The following LRP1 variants were observed in gnomAD, a reference collection of about 807,000 sequenced individuals.
The protein encoded by LRP1 is LDL receptor related protein 1, also known as prolow-density lipoprotein receptor-related protein 1.
Under a neutral mutation model 541.5 loss-of-function variants are expected in LRP1, and 51 were observed. The observed-to-expected ratio is 0.09, with a 90% confidence interval of 0.08 to 0.12. The LOEUF (loss-of-function observed/expected upper bound fraction) is 0.12. Among genes scored for constraint, LRP1 ranks in the 10% least tolerant of loss-of-function variants. The pLI, the probability that LRP1 is intolerant of heterozygous loss-of-function variation, is 1.00. For synonymous variants in LRP1, 2,219 were observed against 2,470.8 expected, an observed-to-expected ratio of 0.90 and a Z score of 3.02; for missense variants, 3,878 against 6,376.2, an observed-to-expected ratio of 0.61 and a Z score of 13.34.
In LRP1 at chr12:57,154,582, C is replaced by T. The variant is rs767368732; in HGVS notation, c.1108C>T (p.His370Tyr). 6.2e-7 allele frequency: 1 copy of T among 1,613,794 alleles called. No individual in the cohort carries two copies. The highest frequency in any genetic ancestry group is 8.5e-7 in the Non-Finnish European group (1 of 1,179,836). The change falls in exon 8 of 89, where the codon CAT (histidine) becomes TAT (tyrosine). Residue 370 changes from histidine (H) to tyrosine (Y), a missense_variant. Physicochemically the swap from His to Tyr is moderately conservative, Grantham distance 83 (BLOSUM62 2). This residue lies in a region of LRP1 where 496 missense variants were observed against 861.0 expected (regional missense o/e 0.58). Coordinates refer to ENST00000243077, the MANE Select transcript of LRP1 (RefSeq NM_002332.3). The surrounding 1 kb of genome is among the most constrained non-coding windows in gnomAD (Gnocchi z 4.6). ...KLVDSKIVFPHGITLDLVSRL... is the reference protein window; with the variant it reads ...KLVDSKIVFPYGITLDLVSRL... ...CGTCGACAGCAAGATTGTGTTTCCT[C>T]ATGGCATCACGCTGGACCTGGTCAG...
At chr12:57,160,393 C>T (rs1288286265) in intron 12 of LRP1, among the ~76,000 whole-genome samples, 2 of 152,150 alleles carry the variant, frequency 1.3e-5, no homozygotes, top group African/African-American at 4.8e-5. Flanking sequence ...AGCACCCCGG[C>T]TCCTCCTGCC....
chr12:57,205,242 C>T lies in LRP1; in HGVS notation c.11328C>T (p.Cys3776=). ...DCGDGSDEED[C]SIDPKLTSCA... is the part of the protein sequence containing the mutation. ...GGGACGGCTCTGACGAGGAGGACTG[C>T]AGCATCGGTGAGGCCCGGCAGCGGA... is the stretch of plus-strand genomic sequence containing the variant. Residue 3776 remains cysteine (C), a synonymous_variant, in exon 73 of 89, where the codon TGC becomes TGT. Transcript: ENST00000243077. The surrounding 1 kb of genome is among the most constrained non-coding windows in gnomAD (Gnocchi z 4.6). 6.2e-7 allele frequency: 1 copy of T among 1,610,938 alleles called. No individual in the cohort carries two copies. Among genetic ancestry groups the T allele is most frequent in the Non-Finnish European group, 8.5e-7 (1 of 1,177,898 alleles).
chr12:57,169,904 C>T (rs2035912934), intron 20 of LRP1, among the ~76,000 whole-genome samples: 1 of 152,232 alleles, frequency 6.6e-6, no homozygotes, highest in Non-Finnish European at 1.5e-5. Flanking sequence ...GGCTTCCTAG[C>T]TCTGGAAGAT....
chr12:57,184,254 G>A lies in LRP1; in HGVS notation c.6059+40G>A, dbSNP rs377223131. ...AGACTGGCCTTGTCATTCTGCCCAT[G>A]GCCCATGCTGATGAGGCCCTGTCTC... On this transcript the variant is annotated intron_variant, in intron 37 of 88. Transcript: ENST00000243077. The surrounding 1 kb of genome is among the most constrained non-coding windows in gnomAD (Gnocchi z 7.8). 5.0e-6 allele frequency: 8 copies of A among 1,613,544 alleles called. No individual in the cohort carries two copies. In the African/African-American group the frequency reaches 8.0e-5, roughly 16 times the overall value.
chr12:57,208,521 G>A (rs2136753683), intron 77 of LRP1, 190 bp from the exon 78 acceptor site: 5 of 591,518 alleles, frequency 8.5e-6, no homozygotes, highest in South Asian at 4.2e-5. Flanking sequence ...TGAGCACACT[G>A]TGGTTTTAGA....
At chr12:57,172,389 T>G (rs2035963567) in intron 20 of LRP1, among the ~76,000 whole-genome samples, 1 of 152,152 alleles carries the variant, frequency 6.6e-6, no homozygotes, top group Admixed American at 6.5e-5. Context: ...CAGGATGGTC[T>G]CGATCTCCCG....
chr12:57,197,342 C>T lies in LRP1; in HGVS notation c.9120C>T (p.Arg3040=), dbSNP rs151021372. 7 of 1,614,072 alleles carry T rather than the reference C, an allele frequency of 4.3e-6. No homozygotes were observed. The Admixed American group carries it at 1.2e-4, about 27-fold the overall frequency. Residue 3040 remains arginine (R), a synonymous_variant, in exon 57 of 89, where the codon CGC becomes CGT. Transcript: ENST00000243077. This position sits in a 1 kb window ranked among gnomAD's most constrained non-coding sequence, Gnocchi z 4.5. ...FLIFANRYYL[R]KLNLDGSNYT... is the part of the protein sequence containing the mutation. ...TCTTCGCCAACCGGTACTACCTGCGCAAGCTCAACCTGGACGGGTCCAACT... is the reference window on the plus strand; with the variant it reads ...TCTTCGCCAACCGGTACTACCTGCGTAAGCTCAACCTGGACGGGTCCAACT...
In LRP1 at chr12:57,158,021, G is replaced by A. The variant is rs764504379; in HGVS notation, c.1562-381G>A. On this transcript the variant is annotated intron_variant, in intron 10 of 88. Transcript: ENST00000243077. The surrounding 1 kb of genome is among the most constrained non-coding windows in gnomAD (Gnocchi z 5.3). ...GTAGCCAGAAGACTTTCAGTGTAGTGGGCAAGAAGTGATGTGGTTTACACT... is the reference window on the plus strand; with the variant it reads ...GTAGCCAGAAGACTTTCAGTGTAGTAGGCAAGAAGTGATGTGGTTTACACT... 6.6e-6 allele frequency among the ~76,000 whole-genome samples: 1 copy of A among 152,192 alleles called. No individual in the cohort carries two copies. Among genetic ancestry groups the A allele is most frequent in the Non-Finnish European group, 1.5e-5 (1 of 68,020 alleles).
intron 50 of LRP1, 37 bp from the exon 51 acceptor site, chr12:57,194,948 C>A (rs867845744): frequency 6.4e-7 from 1 of 1,556,452 alleles, no homozygotes; most frequent in Middle Eastern, 1.7e-4. Context: ...GTGACCCCCA[C>A]CCTTCCCCAT....
In LRP1 at chr12:57,159,987, T is replaced by C; in HGVS notation, c.1961T>C (p.Val654Ala). Residue 654 changes from valine (V) to alanine (A), a missense_variant, in exon 12 of 89, where the codon GTG becomes GCG. By Grantham distance (64) the Val-to-Ala change is moderately conservative. Around this residue, in one of 13 missense-constraint regions of LRP1, gnomAD observed 496 missense variants for 861.0 expected, o/e 0.58. Transcript: ENST00000243077. ...EGKMTHPRAI[V>A]VDPLNGWMYW... ...AAAATGACACACCCCAGGGCTATTG[T>C]GGTGGATCCACTCAATGGGTGAGTC... 1.2e-6 allele frequency: 2 copies of C among 1,614,080 alleles called. No individual in the cohort carries two copies. Among genetic ancestry groups the C allele is most frequent in the Non-Finnish European group, 1.7e-6 (2 of 1,180,020 alleles).
chr12:57,169,486 G>A (rs768542326), intron 20 of LRP1, among the ~76,000 whole-genome samples, 179 bp downstream of exon 20: 2 of 152,178 alleles, frequency 1.3e-5, no homozygotes, highest in Non-Finnish European at 2.9e-5. Flanking sequence ...GGAGGTTGCC[G>A]AAAAATCATT....
chr12:57,179,734 C>CACT lies in LRP1; in HGVS notation c.4967-47_4967-45dup. On this transcript the variant is annotated intron_variant, in intron 29 of 88. Transcript: ENST00000243077. The surrounding 1 kb of genome is among the most constrained non-coding windows in gnomAD (Gnocchi z 6.8). ...AGGCACACTGGCTCCCCTCCTGACC[C>CACT]ACTGCCCTGCAGACACCCAACAACT... 1 of 1,573,860 alleles carries CACT rather than the reference C, an allele frequency of 6.4e-7. No individual in the cohort carries two copies. The highest frequency in any genetic ancestry group is 1.1e-5 in the South Asian group (1 of 88,406).
intron 5 of LRP1, 39 bp downstream of exon 5, chr12:57,145,139 C>T (rs767062770): frequency 2.2e-5 from 36 of 1,613,434 alleles, no homozygotes; most frequent in Non-Finnish European, 3.1e-5. Context: ...CTAACTAAGC[C>T]CCCTCAATGC....
intron 78 of LRP1, 69 bp downstream of exon 78, chr12:57,208,886 G>A: frequency 7.4e-7 from 1 of 1,356,478 alleles, no homozygotes; most frequent in Non-Finnish European, 1.0e-6. Context: ...AGCTGCTGCT[G>A]AAGTCACACA....
chr12:57,210,761 A>G lies in LRP1; in HGVS notation c.12798A>G (p.Lys4266=). ...CRCPTGFTGP[K]CTQQVCAGYC... is the part of the protein sequence containing the mutation. ...GCCCCACGGGCTTCACGGGCCCCAA[A>G]TGCACCCAGCAGGTGTGTGCGGGCT... is the stretch of plus-strand genomic sequence containing the variant. The change falls in exon 83 of 89, where the codon AAA becomes AAG. Residue 4266 remains lysine, a synonymous_variant. Transcript: ENST00000243077. 1 of 1,612,122 alleles carries G rather than the reference A, an allele frequency of 6.2e-7. No individual in the cohort carries two copies. The highest frequency in any genetic ancestry group is 8.5e-7 in the Non-Finnish European group (1 of 1,178,738).
intron 6 of LRP1, among the ~76,000 whole-genome samples, chr12:57,150,333 A>G (rs548322077): frequency 6.6e-6 from 1 of 151,868 alleles, no homozygotes; most frequent in African/African-American, 2.4e-5. Flanking sequence ...CTAGGACTAC[A>G]GGTGCCCGCC....
At chr12:57,182,822 A>G (rs2036192354) in intron 34 of LRP1, among the ~76,000 whole-genome samples, 1 of 152,220 alleles carries the variant, frequency 6.6e-6, no homozygotes, top group African/African-American at 2.4e-5. Flanking sequence ...GTCTCAAAAA[A>G]AACAAACAAA....
chr12:57,202,625 C>A, intron 68 of LRP1, 88 bp downstream of exon 68: 1 of 1,050,046 alleles, frequency 9.5e-7, no homozygotes, highest in Non-Finnish European at 1.4e-6. Flanking sequence ...CGCGCCAGAG[C>A]TGGTGGCCAC....
At chr12:57,193,510 A>G in intron 46 of LRP1, 56 bp from the exon 47 acceptor site, 2 of 1,593,454 alleles carry the variant, frequency 1.3e-6, no homozygotes, top group African/African-American at 1.3e-5. Context: ...CGTCTCAGGG[A>G]GGCAGCCCTT....
Sources: gnomAD v4.1 joint callset for allele counts (sites outside exome capture counted in the v4.1 genomes callset) on GRCh38, gnomAD v4.1.1 for gene constraint, gnomAD v4.1.1 regional missense constraint, Gnocchi (gnomAD v3.1) non-coding constraint, MANE v1.5 for transcripts, NCBI Gene and HGNC (gene_info 2026-07-23, HGNC 2026-07-21) for gene names.